THRA: variants seen among roughly 807,000 people sequenced by gnomAD.
THRA encodes EAR-7.
THRA carries 13 observed loss-of-function variants against 45.0 expected under a neutral mutation model. The observed-to-expected ratio is 0.29, with a 90% CI of 0.19 to 0.46. The LOEUF is 0.46. Ranked by LOEUF, THRA falls within the 20% of genes least tolerant of loss-of-function variation. The pLI, the probability that THRA is intolerant of heterozygous loss-of-function variation, is 1.00. For missense variants in THRA, 278 were observed against 556.1 expected (o/e 0.50, Z 5.03); for synonymous variants, 195 against 214.0 (o/e 0.91, Z 0.78).
chr17:40,083,001 C>T (rs1275888028), intron 4 of THRA, among the ~76,000 whole-genome samples: 8 of 149,848 alleles, frequency 5.3e-5, no homozygotes, highest in Non-Finnish European at 1.0e-4. Flanking sequence ...GATCTTGGCT[C>T]GTGGCAAGCT....
chr17:40,075,614 A>G (rs899280595), intron 2 of THRA, among the ~76,000 whole-genome samples: 8 of 152,212 alleles, frequency 5.3e-5, no homozygotes, highest in Admixed American at 2.0e-4. Context: ...TGTTTGGAGA[A>G]AGGCAGGAAT....
At chr17:40,071,034 G>A (rs1486113160) in intron 1 of THRA, among the ~76,000 whole-genome samples, 1 of 147,000 alleles carries the variant, frequency 6.8e-6, no homozygotes, top group Non-Finnish European at 1.5e-5. Flanking sequence ...CTCTACCCCA[G>A]CCCTGTCCCA....
In THRA at chr17:40,089,542, C is replaced by T; in HGVS notation, c.*86C>T. On this transcript the variant is annotated 3_prime_UTR_variant, in exon 9 of 9. Coordinates refer to ENST00000450525, the MANE Select transcript of THRA (RefSeq NM_199334.5). The surrounding 1 kb of genome is among the most constrained non-coding windows in gnomAD (Gnocchi z 6.1). ...GAGCTGGGGGCTGAGGGAGACCCCCCCACACCCCTTCTCTCCTTCCTCTCG... is the reference window on the plus strand; with the variant it reads ...GAGCTGGGGGCTGAGGGAGACCCCCTCACACCCCTTCTCTCCTTCCTCTCG... 6.6e-7 allele frequency: 1 copy of T among 1,523,972 alleles called. No individual in the cohort carries two copies. The highest frequency in any genetic ancestry group is 2.4e-5 in the East Asian group (1 of 42,266). The allele number at this position is 1,523,972 out of a possible 1,614,324, so 94.4% of individuals were successfully genotyped here. A position where few individuals can be genotyped will look rare whatever the true frequency, so the allele number is the denominator to read the frequency against.
At chr17:40,072,004 C>G (rs1324417195) in intron 1 of THRA, 6 of 152,262 alleles carry the variant, frequency 3.9e-5, no homozygotes, top group Admixed American at 3.3e-4. Context: ...CACCAGGGCA[C>G]CATTCAGTTC....
At chr17:40,064,401 G>A (rs183010959) in intron 1 of THRA, among the ~76,000 whole-genome samples, 5 of 152,318 alleles carry the variant, frequency 3.3e-5, no homozygotes, top group Admixed American at 6.5e-5. Context: ...AGGCACACAC[G>A]TGCTCGCATG....
In THRA at chr17:40,076,943, G is replaced by A; in HGVS notation, c.121+5G>A. 1 of 1,613,914 alleles carries A rather than the reference G, an allele frequency of 6.2e-7. No individual in the cohort carries two copies. Reference sequence around the variant, plus strand: ...CCCTGAAAACCAGCATGTCAGGTGAGGCTGGCTGTGCGTGCCCCTTCTCCA... The same window carrying A: ...CCCTGAAAACCAGCATGTCAGGTGAAGCTGGCTGTGCGTGCCCCTTCTCCA... On this transcript the variant is annotated splice_donor_5th_base_variant and intron_variant, in intron 3 of 8. Coordinates refer to ENST00000450525, the MANE Select transcript of THRA (RefSeq NM_199334.5).
chr17:40,062,879 C>G (rs1175318088), upstream of THRA: 1 of 144,964 alleles, frequency 6.9e-6, no homozygotes, highest in African/African-American at 2.5e-5. Context: ...CGGAGCGGGG[C>G]GGGGGAGGGA....
intron 4 of THRA, among the ~76,000 whole-genome samples, chr17:40,079,812 CAGA>C (rs373494693): frequency 6.6e-6 from 1 of 152,236 alleles, no homozygotes; most frequent in African/African-American, 2.4e-5. Flanking sequence ...TTGTGAGTGA[CAGA>C]GGAGGGATTA....
intron 5 of THRA, 115 bp downstream of exon 5, chr17:40,084,097 A>G (rs556919246): frequency 2.4e-6 from 3 of 1,231,030 alleles, no homozygotes; most frequent in Admixed American, 2.9e-5. Flanking sequence ...GTGGCAATCC[A>G]GTCTAGGTCA....
At chr17:40,074,968 G>A (rs1441869595) in intron 2 of THRA, among the ~76,000 whole-genome samples, 2 of 152,196 alleles carry the variant, frequency 1.3e-5, no homozygotes, top group Non-Finnish European at 2.9e-5. Flanking sequence ...TACATTTCAG[G>A]GCACATGCAC....
At chr17:40,083,727 A>C in intron 4 of THRA, 108 bp from the exon 5 acceptor site, 1 of 1,421,232 alleles carries the variant, frequency 7.0e-7, no homozygotes, top group Non-Finnish European at 9.4e-7. Context: ...CCCCTCACTG[A>C]TCTTGCCTTC....
At chr17:40,077,043 G>C (rs944196472) in intron 3 of THRA, 105 bp downstream of exon 3, 34 of 1,210,180 alleles carry the variant, frequency 2.8e-5, no homozygotes, top group Middle Eastern at 2.1e-4. Flanking sequence ...GTGTTCCCTG[G>C]GGGGAGCCTC....
intron 4 of THRA, among the ~76,000 whole-genome samples, chr17:40,082,678 C>T (rs1020601386): frequency 6.7e-6 from 1 of 150,310 alleles, no homozygotes; most frequent in Admixed American, 6.6e-5. Context: ...TGGACCCCGC[C>T]GTGGTTCCAC....
chr17:40,089,655 G>A lies in THRA; in HGVS notation c.*199G>A. The A allele has an allele frequency of 7.0e-7, 1 of 1,421,832 alleles. No homozygotes were observed. Among genetic ancestry groups the A allele is most frequent in the Non-Finnish European group, 9.2e-7 (1 of 1,091,056 alleles). The allele number at this position is 1,421,832 out of a possible 1,614,324, so 88.1% of individuals were successfully genotyped here. ...CAGCCCTGGGACAGGGCAAACAACT[G>A]AACTTGCTATGGAAAGGACAGTGTG... is the stretch of plus-strand genomic sequence containing the variant. On this transcript the variant is annotated 3_prime_UTR_variant, in exon 9 of 9. Transcript: ENST00000450525. The surrounding 1 kb of genome is among the most constrained non-coding windows in gnomAD (Gnocchi z 6.1).
At position 40,086,782 on chromosome 17, in the gene THRA, T is replaced by C; in HGVS notation, c.652T>C (p.Phe218Leu). ...DKVDLEAFSE[F>L]TKIITPAITR... ...GGTGGACCTGGAAGCCTTCAGCGAG[T>C]TTACCAAGATCATCACCCCGGCCAT... The change falls in exon 7 of 9, where the codon TTT (phenylalanine) becomes CTT (leucine). Residue 218 changes from phenylalanine to leucine, a missense_variant. By Grantham distance (22) the Phe-to-Leu change is conservative. Around this residue, in one of 6 missense-constraint regions of THRA, gnomAD observed 33 missense variants for 133.2 expected, o/e 0.25. Transcript: ENST00000450525. 6.2e-7 allele frequency: 1 copy of C among 1,613,844 alleles called. No individual in the cohort carries two copies. Among genetic ancestry groups the C allele is most frequent in the Non-Finnish European group, 8.5e-7 (1 of 1,179,946 alleles).
At chr17:40,093,323 T>A (rs750999664), downstream of THRA, 1 of 1,613,230 alleles carries the variant, frequency 6.2e-7, no homozygotes, top group Non-Finnish European at 8.5e-7. The surrounding 1 kb of genome is among the most constrained non-coding windows in gnomAD (Gnocchi z 5.9). Flanking sequence ...CTCCCCGAGC[T>A]CCTCTGAGGA....
intron 2 of THRA, among the ~76,000 whole-genome samples, chr17:40,075,079 T>C (rs891597466): frequency 6.6e-6 from 1 of 152,256 alleles, no homozygotes; most frequent in Non-Finnish European, 1.5e-5. Flanking sequence ...GCGATGGGGC[T>C]CCTCCCAGAA....
At chr17:40,083,771 A>G (rs919734251) in intron 4 of THRA, 64 bp from the exon 5 acceptor site, 12 of 1,525,102 alleles carry the variant, frequency 7.9e-6, no homozygotes, top group South Asian at 1.3e-5. Flanking sequence ...AGTAAACTGC[A>G]TGGTTGGTTC....
chr17:40,084,446 G>T, intron 5 of THRA, 164 bp from the exon 6 acceptor site: 1 of 712,138 alleles, frequency 1.4e-6, no homozygotes, highest in Non-Finnish European at 2.4e-6. Flanking sequence ...GATTAATCAT[G>T]ATCCGGGTTG....
Sources: allele counts gnomAD v4.1 joint callset (sites outside exome capture counted in the v4.1 genomes callset), GRCh38; gene constraint gnomAD v4.1.1; regional missense constraint gnomAD v4.1.1; non-coding constraint Gnocchi (gnomAD v3.1); transcripts MANE v1.5; gene names NCBI Gene and HGNC (gene_info 2026-07-23, HGNC 2026-07-21).